The following NKAIN4 variants were observed in gnomAD, a reference collection of about 807,000 sequenced individuals.
NKAIN4 encodes sodium/potassium transporting ATPase interacting 4, also known as sodium/potassium-transporting ATPase subunit beta-1-interacting protein 4.
Under a neutral mutation model 28.8 loss-of-function variants are expected in NKAIN4, and 28 were observed. The observed-to-expected ratio is 0.97, with a 90% CI of 0.72 to 1.33. The LOEUF (loss-of-function observed/expected upper bound fraction) is 1.33. Among genes scored for constraint, NKAIN4 ranks in the 40% most tolerant of loss-of-function variants. The probability of loss-of-function intolerance (pLI) is 0.00; values close to 1 mark genes in which losing one functional copy is unlikely to be tolerated. For synonymous variants in NKAIN4, 122 were observed against 115.6 expected (o/e 1.06, Z -0.36); for missense variants, 289 against 277.2 (o/e 1.04, Z -0.30).
chr20:63,253,106 C>T (rs1376985971), intron 1 of NKAIN4: 1 of 631,698 alleles, frequency 1.6e-6, no homozygotes, highest in Non-Finnish European at 2.0e-6. Flanking sequence ...TTCATGAGGT[C>T]ATCCGACGGG....
intron 5 of NKAIN4, 135 bp from the exon 6 acceptor site, chr20:63,242,758 A>T: frequency 2.5e-6 from 1 of 398,552 alleles, no homozygotes; most frequent in Non-Finnish European, 4.8e-6. Flanking sequence ...CCCTGACATG[A>T]CAGCAGAGGG....
Position 63,247,616 on chromosome 20 carries a change from C to A in NKAIN4, c.433G>T (p.Val145Leu), listed in dbSNP as rs1386508946. The change falls in exon 4 of 7, where the codon GTG becomes TTG. Residue 145 changes from valine (V) to leucine (L), a missense_variant. By Grantham distance (32) the Val-to-Leu change is conservative. Transcript: ENST00000370316. ...GAGCALEPSY[V>L]EALHSCLQIL... The stretch of plus-strand genomic sequence containing the variant: ...TGCAGGCAACTGTGTAGGGCCTCCA[C>A]ATAGCTGGGCTCCAGGGCACAGCCA... 1 of 1,547,904 alleles carries A rather than the reference C, an allele frequency of 6.5e-7. No homozygotes were observed. The highest frequency in any genetic ancestry group is 8.7e-7 in the Non-Finnish European group (1 of 1,145,586).
intron 1 of NKAIN4, among the ~76,000 whole-genome samples, chr20:63,251,917 AG>A (rs1444021927): frequency 6.6e-6 from 1 of 152,086 alleles, no homozygotes; most frequent in Non-Finnish European, 1.5e-5. Flanking sequence ...CTAACCTACG[AG>A]GAGGGATGTC....
Position 63,247,795 on chromosome 20 carries a change from G to T in NKAIN4, c.274-20C>A, listed in dbSNP as rs781479235. On this transcript the variant is annotated intron_variant, in intron 3 of 6. Coordinates refer to ENST00000370316, the MANE Select transcript of NKAIN4 (RefSeq NM_152864.4). ...GCTGTCCTAGGGGAGAGGTGCAGGA[G>T]CAGGGCCGGTTAGCACCAGGAGGTG... is the stretch of plus-strand genomic sequence containing the variant. 2.1e-6 allele frequency: 3 copies of T among 1,433,972 alleles called. No homozygotes were observed. In the African/African-American group the frequency reaches 4.3e-5, roughly 21 times the overall value. 88.8% of individuals were successfully genotyped at this position (1,433,972 alleles called of 1,614,324 possible). A position where few individuals can be genotyped will look rare whatever the true frequency, so the allele number is the denominator to read the frequency against.
intron 1 of NKAIN4, among the ~76,000 whole-genome samples, chr20:63,250,304 T>C (rs2066933939): frequency 6.6e-6 from 1 of 152,166 alleles, no homozygotes; most frequent in Non-Finnish European, 1.5e-5. Context: ...AATCCCCAAA[T>C]GAGCCTGACA....
intron 4 of NKAIN4, 137 bp from the exon 5 acceptor site, chr20:63,244,221 T>C: frequency 1.4e-6 from 1 of 724,440 alleles, no homozygotes; most frequent in African/African-American, 1.7e-5. Flanking sequence ...GTTCCTCCTC[T>C]GTGACTTGGA....
intron 1 of NKAIN4, 92 bp downstream of exon 1, chr20:63,254,305 G>T: frequency 9.4e-7 from 1 of 1,058,258 alleles, no homozygotes; most frequent in Non-Finnish European, 1.3e-6. Flanking sequence ...CAGCGAACGG[G>T]CCCCGGGGCG....
chr20:63,244,096 C>A lies in NKAIN4; in HGVS notation c.472-12G>T. ...ACAAAGCCCAGAAGCTGAAAGACACCACAGGCAGGGGCGTGAGTGCGGCCA... is the reference window on the plus strand; with the variant it reads ...ACAAAGCCCAGAAGCTGAAAGACACAACAGGCAGGGGCGTGAGTGCGGCCA... On this transcript the variant is annotated splice_polypyrimidine_tract_variant and intron_variant, in intron 4 of 6. Coordinates refer to ENST00000370316, the MANE Select transcript of NKAIN4 (RefSeq NM_152864.4). The A allele has an allele frequency of 6.2e-7, 1 of 1,612,578 alleles. No individual in the cohort carries two copies.
chr20:63,246,875 C>T lies in NKAIN4; in HGVS notation c.471+703G>A, dbSNP rs141658091. 27 of 985,278 alleles carry T rather than the reference C, an allele frequency of 2.7e-5. No individual in the cohort carries two copies. In the East Asian group the frequency reaches 1.4e-3, roughly 50 times the overall value. The allele number at this position is 985,278 out of a possible 1,614,324, so 61.0% of individuals were successfully genotyped here. ...TTACAGAGGCGGGAGCTGAGGCACA[C>T]GGAGGTTGTTAGGCTCACAGAGGCG... On this transcript the variant is annotated intron_variant, in intron 4 of 6. Transcript: ENST00000370316.
chr20:63,248,829 C>G lies in NKAIN4; in HGVS notation c.259G>C (p.Gly87Arg), dbSNP rs565172154. The change falls in exon 3 of 7, where the codon GGT becomes CGT. Residue 87 changes from glycine (G) to arginine (R), a missense_variant. Physicochemically the swap from Gly to Arg is moderately radical, Grantham distance 125 (BLOSUM62 -2). Coordinates refer to ENST00000370316, the MANE Select transcript of NKAIN4 (RefSeq NM_152864.4). ...TCTGCACTCACCTTTAAGAGGCCAC[C>G]GACTTCCAGGTAGAAGCAGATGATG... ...VFIICFYLEV[G>R]GLLKDSELLT... 3 of 1,612,136 alleles carry G rather than the reference C, an allele frequency of 1.9e-6. No individual in the cohort carries two copies. In the African/African-American group the frequency reaches 4.0e-5, roughly 22 times the overall value.
chr20:63,254,600 C>T (rs954180959), upstream of NKAIN4: 1 of 533,690 alleles, frequency 1.9e-6, no homozygotes, highest in South Asian at 8.2e-5. Flanking sequence ...GCCCCAGCCC[C>T]GGGTAACAGC....
chr20:63,254,689 A>T, upstream of NKAIN4: 8 of 269,164 alleles, frequency 3.0e-5, no homozygotes, highest in East Asian at 6.0e-5. Context: ...CCGTTCTTAA[A>T]GGGGCGATGG....
intron 6 of NKAIN4, chr20:63,241,740 C>T (rs906312161): frequency 2.9e-6 from 2 of 682,244 alleles, no homozygotes; most frequent in South Asian, 3.0e-5. Context: ...TCAGTGGGGT[C>T]TGGCCTGTGG....
intron 6 of NKAIN4, among the ~76,000 whole-genome samples, chr20:63,242,079 C>T (rs2066763122): frequency 6.6e-6 from 1 of 152,092 alleles, no homozygotes; most frequent in African/African-American, 2.4e-5. Flanking sequence ...GGTGGGAGCC[C>T]TGGCACCCCA....
rs1042419113 is a variant in NKAIN4 at position 63,252,141 on chromosome 20, C to T, written c.55-2069G>A. On this transcript the variant is annotated intron_variant, in intron 1 of 6. Coordinates refer to ENST00000370316, the MANE Select transcript of NKAIN4 (RefSeq NM_152864.4). This position sits in a 1 kb window ranked among gnomAD's most constrained non-coding sequence, Gnocchi z 4.6. ...CCCTGCAGCACAGAGGGGCTGGGGG[C>T]GTCTTTTTCATCTCGAAGCCAAGGC... 2.0e-5 allele frequency among the ~76,000 whole-genome samples: 3 copies of T among 152,144 alleles called. No homozygotes were observed. The highest frequency in any genetic ancestry group is 6.5e-5 in the Admixed American group (1 of 15,288).
intron 4 of NKAIN4, among the ~76,000 whole-genome samples, chr20:63,244,836 C>T (rs1461280860): frequency 1.3e-5 from 2 of 152,216 alleles, no homozygotes; most frequent in East Asian, 1.9e-4. Flanking sequence ...CAGGGGCACT[C>T]CAGGCCACAG....
At chr20:63,244,970 T>A (rs965731923) in intron 4 of NKAIN4, among the ~76,000 whole-genome samples, 2 of 152,156 alleles carry the variant, frequency 1.3e-5, no homozygotes, top group African/African-American at 4.8e-5. Flanking sequence ...TCACTTCATC[T>A]TCTGGTCTTG....
In NKAIN4 at chr20:63,243,505, G is replaced by T. The variant is rs139795823; in HGVS notation, c.532+519C>A. 5.5e-3 allele frequency among the ~76,000 whole-genome samples: 835 copies of T among 152,142 alleles called. 4 individuals carry two copies. The highest frequency in any genetic ancestry group is 0.01 in the Non-Finnish European group (701 of 68,010). On this transcript the variant is annotated intron_variant, in intron 5 of 6. Coordinates refer to ENST00000370316, the MANE Select transcript of NKAIN4 (RefSeq NM_152864.4). The stretch of plus-strand genomic sequence containing the variant: ...CCTTCTCCACAGGGTCTTCCTGTGA[G>T]ACCACACCAGGACGAGGGGACCCAG...
At chr20:63,254,728 G>C, upstream of NKAIN4, 1 of 257,486 alleles carries the variant, frequency 3.9e-6, no homozygotes. Context: ...GAGGGGCGGC[G>C]CCGCGGCCCC....
Sources: allele counts gnomAD v4.1 joint callset (sites outside exome capture counted in the v4.1 genomes callset), GRCh38; gene constraint gnomAD v4.1.1; non-coding constraint Gnocchi (gnomAD v3.1); transcripts MANE v1.5; gene names NCBI Gene and HGNC (gene_info 2026-07-23, HGNC 2026-07-21).